RAB31: variants seen among roughly 807,000 people sequenced by gnomAD.
RAB31 encodes the protein ras-related protein Rab-31.
In RAB31, 21 loss-of-function variants were observed where a neutral mutation model predicts 25.6. The observed-to-expected ratio is 0.82, with a 90% confidence interval of 0.58 to 1.18. The LOEUF is 1.18. Among genes scored for constraint, RAB31 ranks in the 50% most tolerant of loss-of-function variants. The pLI, the probability that RAB31 is intolerant of heterozygous loss-of-function variation, is 0.00. For missense variants in RAB31, 196 were observed against 250.1 expected (o/e 0.78, Z 1.46); for synonymous variants, 87 against 84.0 (o/e 1.04, Z -0.20).
At chr18:9,796,811 A>G (rs1439156324) in intron 3 of RAB31, among the ~76,000 whole-genome samples, 1 of 152,056 alleles carries the variant, frequency 6.6e-6, no homozygotes, top group Non-Finnish European at 1.5e-5. Flanking sequence ...TAATGGTCAA[A>G]CTTGTTTTTT....
intron 1 of RAB31, among the ~76,000 whole-genome samples, chr18:9,743,507 G>A (rs1323596718): frequency 1.3e-5 from 2 of 152,188 alleles, no homozygotes; most frequent in Non-Finnish European, 2.9e-5. Context: ...GGTTAGGGAG[G>A]TAGCACCTGA....
At chr18:9,719,766 A>C (rs978260818) in intron 1 of RAB31, among the ~76,000 whole-genome samples, 3 of 151,916 alleles carry the variant, frequency 2.0e-5, no homozygotes, top group African/African-American at 7.3e-5. Flanking sequence ...ACTTCACACG[A>C]TGAGTCATCA....
At chr18:9,809,691 A>G (rs1379763183) in intron 3 of RAB31, among the ~76,000 whole-genome samples, 1 of 152,210 alleles carries the variant, frequency 6.6e-6, no homozygotes, top group African/African-American at 2.4e-5. Flanking sequence ...GCCAAAATTT[A>G]TGTGTCCATT....
At chr18:9,854,855 A>G (rs1413786363) in intron 6 of RAB31, among the ~76,000 whole-genome samples, 2 of 152,224 alleles carry the variant, frequency 1.3e-5, no homozygotes, top group Non-Finnish European at 2.9e-5. Flanking sequence ...AAGTCCTAGC[A>G]AACTTGGTCA....
At chr18:9,841,303 A>G (rs1217224635) in intron 5 of RAB31, among the ~76,000 whole-genome samples, 2 of 150,944 alleles carry the variant, frequency 1.3e-5, no homozygotes, top group African/African-American at 4.8e-5. Flanking sequence ...ACTTTGGGAG[A>G]CTGAGGCGGG....
At chr18:9,835,359 C>T (rs958772566) in intron 5 of RAB31, among the ~76,000 whole-genome samples, 2 of 151,496 alleles carry the variant, frequency 1.3e-5, no homozygotes, top group African/African-American at 4.9e-5. Context: ...TCTCTGGCCT[C>T]TTCAGGACTA....
chr18:9,728,288 T>G (rs909431681), intron 1 of RAB31, among the ~76,000 whole-genome samples: 1 of 152,244 alleles, frequency 6.6e-6, no homozygotes, highest in Non-Finnish European at 1.5e-5. Flanking sequence ...GTTGAGGTAG[T>G]TTTCATTTTT....
At position 9,731,668 on chromosome 18, in the gene RAB31, G is replaced by A. The variant is rs181225424; in HGVS notation, c.39+23224G>A. Among the ~76,000 whole-genome samples the A allele has an allele frequency of 2.3e-3, 337 of 144,268 alleles. 3 individuals are homozygous for A. The highest frequency in any genetic ancestry group is 7.3e-3 in the Middle Eastern group (2 of 274). 94.6% of individuals were successfully genotyped at this position (144,268 alleles called of 152,430 possible). On this transcript the variant is annotated intron_variant, in intron 1 of 6. Coordinates refer to ENST00000578921, the MANE Select transcript of RAB31 (RefSeq NM_006868.4). Reference sequence around the variant, plus strand: ...GCTGGAGTGCAGTGGTGTGATCTTGGCTCACTGCAGCCTCTGCCTTCCGGG... The same window carrying A: ...GCTGGAGTGCAGTGGTGTGATCTTGACTCACTGCAGCCTCTGCCTTCCGGG...
intron 1 of RAB31, among the ~76,000 whole-genome samples, chr18:9,731,352 T>C (rs1453963113): frequency 1.3e-5 from 2 of 152,220 alleles, no homozygotes; most frequent in East Asian, 3.8e-4. Flanking sequence ...TTAAATAATT[T>C]ATTACCTCTA....
At chr18:9,774,894 G>C in intron 1 of RAB31, 1 of 520,554 alleles carries the variant, frequency 1.9e-6, no homozygotes, top group South Asian at 1.4e-5. Context: ...TGAATGCAAG[G>C]TTTTGAACAG....
At chr18:9,835,364 G>A (rs1012997425) in intron 5 of RAB31, among the ~76,000 whole-genome samples, 3 of 151,492 alleles carry the variant, frequency 2.0e-5, no homozygotes, top group African/African-American at 4.9e-5. Flanking sequence ...GGCCTCTTCA[G>A]GACTAGGCTG....
intron 6 of RAB31, among the ~76,000 whole-genome samples, chr18:9,855,321 C>T (rs563345304): frequency 1.3e-5 from 2 of 152,218 alleles, no homozygotes; most frequent in African/African-American, 4.8e-5. Flanking sequence ...AAAATAAACA[C>T]TCTGGCCTCA....
chr18:9,859,082 AGG>A, intron 6 of RAB31, 144 bp from the exon 7 acceptor site: 1 of 644,800 alleles, frequency 1.6e-6, no homozygotes, highest in Non-Finnish European at 2.7e-6. Flanking sequence ...GAGGAAGGAA[AGG>A]AAGGAAGGAG....
Position 9,845,671 on chromosome 18 carries a change from A to G in RAB31, c.470A>G (p.Glu157Gly). The change falls in exon 6 of 7, where the codon GAA (glutamate) becomes GGA (glycine). Residue 157 changes from glutamate to glycine, a missense_variant. Glu to Gly is a moderately conservative substitution (Grantham distance 98). Coordinates refer to ENST00000578921, the MANE Select transcript of RAB31 (RefSeq NM_006868.4). Reference protein sequence around the residue: ...ETSAKNAINIEELFQGISRQI... With the variant: ...ETSAKNAINIGELFQGISRQI... ...AGTGCAAAAAATGCTATTAATATCG[A>G]AGAGCTCTTTCAAGGAATCAGTAAG... is the stretch of plus-strand genomic sequence containing the variant. 6.4e-7 allele frequency: 1 copy of G among 1,559,038 alleles called. No homozygotes were observed. The highest frequency in any genetic ancestry group is 8.7e-7 in the Non-Finnish European group (1 of 1,151,472).
chr18:9,839,342 T>A (rs1307439269), intron 5 of RAB31, among the ~76,000 whole-genome samples: 2 of 152,148 alleles, frequency 1.3e-5, no homozygotes, highest in Non-Finnish European at 1.5e-5. Context: ...TGAAGCCCCG[T>A]CCTGCTAAGG....
At chr18:9,770,292 T>C (rs1352687771) in intron 1 of RAB31, among the ~76,000 whole-genome samples, 1 of 152,128 alleles carries the variant, frequency 6.6e-6, no homozygotes, top group Non-Finnish European at 1.5e-5. Flanking sequence ...GTGGGAGGTA[T>C]CATTCTTAAT....
chr18:9,815,011 T>A, intron 4 of RAB31, 105 bp from the exon 5 acceptor site: 2 of 816,754 alleles, frequency 2.4e-6, no homozygotes, highest in Non-Finnish European at 3.8e-6. Flanking sequence ...ATGAGTCTCC[T>A]AAAAATATTT....
At chr18:9,828,156 G>A (rs1220102372) in intron 5 of RAB31, among the ~76,000 whole-genome samples, 1 of 152,166 alleles carries the variant, frequency 6.6e-6, no homozygotes, top group Non-Finnish European at 1.5e-5. Context: ...GCAGGGAGGG[G>A]CCGTCAAGAA....
intron 5 of RAB31, among the ~76,000 whole-genome samples, chr18:9,831,657 C>G (rs1000771864): frequency 1.3e-5 from 2 of 152,246 alleles, no homozygotes; most frequent in Non-Finnish European, 2.9e-5. Flanking sequence ...CTTTGACCCT[C>G]TAGCTATGCT....
Sources: allele counts gnomAD v4.1 joint callset (sites outside exome capture counted in the v4.1 genomes callset), GRCh38; gene constraint gnomAD v4.1.1; transcripts MANE v1.5; gene names NCBI Gene and HGNC (gene_info 2026-07-23, HGNC 2026-07-21).